Variants in CBLB observed in about 807,000 individuals in gnomAD.
The protein encoded by CBLB is E3 ubiquitin-protein ligase CBL-B.
Under a neutral mutation model 104.9 loss-of-function variants are expected in CBLB, and 31 were observed. The ratio of observed to expected loss-of-function variants is 0.30; its 90% CI spans 0.22 to 0.40. CBLB has a LOEUF of 0.40. Ranked by LOEUF, CBLB falls within the 10% of genes least tolerant of loss-of-function variation. The pLI, the probability that CBLB is intolerant of heterozygous loss-of-function variation, is 1.00. For missense variants in CBLB, 1,062 were observed against 1,214.6 expected, an observed-to-expected ratio of 0.87 and a Z score of 1.87; for synonymous variants, 440 against 422.6, an observed-to-expected ratio of 1.04 and a Z score of -0.51.
intron 16 of CBLB, chr3:105,680,986 T>C (rs753149016): frequency 6.2e-6 from 1 of 160,228 alleles, no homozygotes; most frequent in South Asian, 1.7e-4. Context: ...AACAAGGAAA[T>C]TGAGATTTTT....
chr3:105,807,967 G>C (rs2083740526), intron 3 of CBLB, among the ~76,000 whole-genome samples: 1 of 152,098 alleles, frequency 6.6e-6, no homozygotes, highest in Non-Finnish European at 1.5e-5. Context: ...TCATTGTGTA[G>C]GTAACAAATA....
intron 12 of CBLB, among the ~76,000 whole-genome samples, chr3:105,699,496 A>T (rs1167394869): frequency 1.3e-5 from 2 of 152,216 alleles, no homozygotes; most frequent in Non-Finnish European, 2.9e-5. Flanking sequence ...TATATTCTAG[A>T]GCAAAAAGTG....
chr3:105,684,296 G>C (rs2066714216), intron 14 of CBLB, among the ~76,000 whole-genome samples: 2 of 152,150 alleles, frequency 1.3e-5, no homozygotes, highest in Non-Finnish European at 2.9e-5. Context: ...TTTGTAGCTG[G>C]GAGTACTGAG....
intron 4 of CBLB, among the ~76,000 whole-genome samples, chr3:105,754,423 T>C (rs1366523456): frequency 1.3e-5 from 2 of 149,588 alleles, no homozygotes; most frequent in African/African-American, 4.9e-5. Flanking sequence ...AGAGAAAATA[T>C]CAATAGCAAA....
chr3:105,788,173 C>T (rs1319592075), intron 3 of CBLB, among the ~76,000 whole-genome samples: 1 of 152,178 alleles, frequency 6.6e-6, no homozygotes, highest in Non-Finnish European at 1.5e-5. Context: ...ACTTTTACCA[C>T]ATGATGGCTC....
chr3:105,820,830 T>C (rs1344593583), intron 3 of CBLB, among the ~76,000 whole-genome samples: 1 of 152,150 alleles, frequency 6.6e-6, no homozygotes, highest in Non-Finnish European at 1.5e-5. Flanking sequence ...TCATTTTGCT[T>C]AAAAAGTCCT....
At chr3:105,660,931 A>C (rs1000086477) in intron 18 of CBLB, among the ~76,000 whole-genome samples, 1 of 151,900 alleles carries the variant, frequency 6.6e-6, no homozygotes, top group African/African-American at 2.4e-5. Flanking sequence ...CTAGGATAAA[A>C]GCATTTGTTT....
At chr3:105,863,227 T>C (rs1275657723) in intron 2 of CBLB, among the ~76,000 whole-genome samples, 7 of 152,212 alleles carry the variant, frequency 4.6e-5, no homozygotes, top group Non-Finnish European at 4.4e-5. Flanking sequence ...TTTCACTTTA[T>C]CAATAGCTTT....
chr3:105,771,967 TC>T (rs35253578), intron 4 of CBLB, among the ~76,000 whole-genome samples: 31,747 of 151,920 alleles, frequency 0.21, 3,414 homozygotes, highest in Admixed American at 0.26. Flanking sequence ...CAATCCAGAC[TC>T]CATGCAATTC....
chr3:105,725,527 A>G (rs986392207), intron 9 of CBLB, among the ~76,000 whole-genome samples: 24 of 152,210 alleles, frequency 1.6e-4, no homozygotes, highest in Non-Finnish European at 3.2e-4. Context: ...TTATTCTACC[A>G]GATTTTATTT....
intron 18 of CBLB, among the ~76,000 whole-genome samples, chr3:105,663,210 T>A (rs1400708331): frequency 6.6e-6 from 1 of 152,200 alleles, no homozygotes; most frequent in Non-Finnish European, 1.5e-5. Context: ...CAACAGTTAC[T>A]TCTGTTACTA....
intron 6 of CBLB, among the ~76,000 whole-genome samples, chr3:105,743,732 T>TAA (rs757956619): frequency 0.025 from 3,352 of 134,162 alleles, 89 homozygotes; most frequent in East Asian, 0.13. Flanking sequence ...CTTTCCAAGA[T>TAA]AAAAAAAAAA....
intron 3 of CBLB, among the ~76,000 whole-genome samples, chr3:105,818,560 C>T (rs7619706): frequency 1.3e-5 from 2 of 152,064 alleles, no homozygotes; most frequent in African/African-American, 4.8e-5. Flanking sequence ...ACTTAATTTA[C>T]GTTAAAAACT....
Position 105,844,581 on chromosome 3 carries a change from T to C in CBLB, c.419+8833A>G, listed in dbSNP as rs1443101. On this transcript the variant is annotated intron_variant, in intron 3 of 18. Transcript: ENST00000394030. ...ACAGCACATCTATGAACCATTGATG[T>C]ATACATATATCCTCAAACAAAAACT... 2.0e-5 allele frequency among the ~76,000 whole-genome samples: 3 copies of C among 152,336 alleles called. No homozygotes were observed. In the South Asian group the frequency reaches 6.2e-4, roughly 32 times the overall value.
At chr3:105,839,996 CA>C (rs2089290627) in intron 3 of CBLB, among the ~76,000 whole-genome samples, 1 of 152,096 alleles carries the variant, frequency 6.6e-6, no homozygotes, top group Non-Finnish European at 1.5e-5. Flanking sequence ...CCCAGCTGAC[CA>C]GGATGGAAAT....
At chr3:105,812,710 A>G (rs993889728) in intron 3 of CBLB, among the ~76,000 whole-genome samples, 5 of 152,172 alleles carry the variant, frequency 3.3e-5, no homozygotes, top group Admixed American at 2.6e-4. Context: ...ACTCAGGAAG[A>G]TCTTATAGGT....
chr3:105,763,745 C>T (rs1387151279), intron 4 of CBLB, among the ~76,000 whole-genome samples: 1 of 152,194 alleles, frequency 6.6e-6, no homozygotes, highest in Non-Finnish European at 1.5e-5. Context: ...TCCTAAAAAA[C>T]CAAAGAATGA....
chr3:105,679,876 C>T (rs573030528), intron 16 of CBLB, among the ~76,000 whole-genome samples: 4 of 152,162 alleles, frequency 2.6e-5, no homozygotes, highest in South Asian at 2.1e-4. Context: ...TGAAGATGCA[C>T]AAGACAGAGT....
chr3:105,835,620 G>A (rs190425413), intron 3 of CBLB, among the ~76,000 whole-genome samples: 1 of 152,292 alleles, frequency 6.6e-6, no homozygotes, highest in Admixed American at 6.5e-5. Context: ...AATTGCAGTG[G>A]ATTGCTAACA....
Sources: allele counts gnomAD v4.1 joint callset (sites outside exome capture counted in the v4.1 genomes callset), GRCh38; gene constraint gnomAD v4.1.1; transcripts MANE v1.5; gene names NCBI Gene and HGNC (gene_info 2026-07-23, HGNC 2026-07-21).